The following RNF150 variants were observed in gnomAD, a reference collection of about 807,000 sequenced individuals.
RNF150 encodes the protein ring finger protein 150.
In RNF150, 24 loss-of-function variants were observed where a neutral mutation model predicts 39.3. The ratio of observed to expected loss-of-function variants is 0.61; its 90% CI spans 0.44 to 0.86. The LOEUF is 0.86. Ranked by LOEUF, RNF150 falls within the 40% of genes least tolerant of loss-of-function variation. The pLI, the probability that RNF150 is intolerant of heterozygous loss-of-function variation, is 0.00. For missense variants in RNF150, 502 were observed against 587.8 expected (o/e 0.85, Z 1.51); for synonymous variants, 255 against 227.3 (o/e 1.12, Z -1.10).
chr4:140,879,389 T>C (rs1302081515), intron 6 of RNF150, among the ~76,000 whole-genome samples: 1 of 150,350 alleles, frequency 6.7e-6, no homozygotes, highest in African/African-American at 2.5e-5. Flanking sequence ...CATTTATTTA[T>C]GTCTTAACTT....
At chr4:140,953,404 G>A (rs114010714) in intron 2 of RNF150, among the ~76,000 whole-genome samples, 2,570 of 152,192 alleles carry the variant, frequency 0.017, 32 homozygotes, top group Non-Finnish European at 0.025. Flanking sequence ...TTTTGGCAGC[G>A]GTGGATAAAG....
At chr4:141,118,504 G>A (rs1726499706) in intron 1 of RNF150, among the ~76,000 whole-genome samples, 1 of 152,066 alleles carries the variant, frequency 6.6e-6, no homozygotes. Context: ...ATGGAATTTG[G>A]GACTGAGGCT....
chr4:141,014,729 G>T (rs762313479), intron 1 of RNF150, among the ~76,000 whole-genome samples: 3 of 152,060 alleles, frequency 2.0e-5, no homozygotes, highest in Non-Finnish European at 2.9e-5. Context: ...TATATCTTCT[G>T]GATATTAGCC....
In RNF150 at chr4:140,919,736, C is replaced by G. The variant is rs181704976; in HGVS notation, c.987+6241G>C. ...AAGAGCCCGCATTGCCAAGCCAATC[C>G]TAAGCCAAAAGAACAAAGCTGGAGA... On this transcript the variant is annotated intron_variant, in intron 5 of 6. Coordinates refer to ENST00000515673, the MANE Select transcript of RNF150 (RefSeq NM_020724.2). 6.0e-4 allele frequency among the ~76,000 whole-genome samples: 89 copies of G among 148,376 alleles called. 1 individual carries two copies. The highest frequency in any genetic ancestry group is 1.1e-3 in the Non-Finnish European group (70 of 66,450).
chr4:141,094,153 TCAA>T (rs1192320998), intron 1 of RNF150, among the ~76,000 whole-genome samples: 1 of 152,124 alleles, frequency 6.6e-6, no homozygotes, highest in Non-Finnish European at 1.5e-5. Flanking sequence ...ATGAAAATAT[TCAA>T]CATTTACTCA....
At chr4:141,195,519 C>G (rs564768083) in intron 1 of RNF150, among the ~76,000 whole-genome samples, 1 of 152,178 alleles carries the variant, frequency 6.6e-6, no homozygotes, top group Non-Finnish European at 1.5e-5. Flanking sequence ...TCTCTGGCTT[C>G]AGTGACTGGT....
At chr4:141,017,564 G>A (rs1735327229) in intron 1 of RNF150, among the ~76,000 whole-genome samples, 1 of 152,062 alleles carries the variant, frequency 6.6e-6, no homozygotes, top group Non-Finnish European at 1.5e-5. Context: ...CATTTTACAG[G>A]CTTTGACAAT....
intron 1 of RNF150, among the ~76,000 whole-genome samples, chr4:141,116,241 C>G (rs1739546297): frequency 6.6e-6 from 1 of 152,086 alleles, no homozygotes; most frequent in Non-Finnish European, 1.5e-5. Flanking sequence ...GCAATCTATC[C>G]ATATGACAAA....
intron 1 of RNF150, among the ~76,000 whole-genome samples, chr4:141,111,750 C>T (rs191236733): frequency 3.0e-4 from 45 of 152,208 alleles, no homozygotes; most frequent in African/African-American, 1.0e-3. Flanking sequence ...TTATATGAAT[C>T]GGGCATCATC....
At chr4:141,026,150 A>T (rs1003931653) in intron 1 of RNF150, among the ~76,000 whole-genome samples, 1 of 152,200 alleles carries the variant, frequency 6.6e-6, no homozygotes, top group Non-Finnish European at 1.5e-5. Context: ...CAAGTCATCC[A>T]GTCTATGGTG....
intron 1 of RNF150, among the ~76,000 whole-genome samples, chr4:141,006,504 A>G (rs1734879419): frequency 6.6e-6 from 1 of 152,208 alleles, no homozygotes; most frequent in Admixed American, 6.5e-5. Flanking sequence ...GACAAATGTC[A>G]AGTTTCTTTA....
chr4:140,882,523 G>T (rs1175798298), intron 6 of RNF150, among the ~76,000 whole-genome samples: 3 of 151,774 alleles, frequency 2.0e-5, no homozygotes, highest in Admixed American at 2.0e-4. Flanking sequence ...TTGAAAATGG[G>T]GTATTGAAAT....
chr4:141,066,269 T>G (rs1261372909), intron 1 of RNF150, among the ~76,000 whole-genome samples: 1 of 152,160 alleles, frequency 6.6e-6, no homozygotes, highest in Non-Finnish European at 1.5e-5. Context: ...CCTCAGTAAT[T>G]TTCACACTAT....
chr4:141,071,792 T>C (rs571994010), intron 1 of RNF150, among the ~76,000 whole-genome samples: 1 of 152,298 alleles, frequency 6.6e-6, no homozygotes, highest in African/African-American at 2.4e-5. Flanking sequence ...TCCTTCAGAA[T>C]AAAGGTATTC....
chr4:140,980,709 T>C (rs556899952), intron 1 of RNF150, among the ~76,000 whole-genome samples: 4 of 152,276 alleles, frequency 2.6e-5, no homozygotes, highest in East Asian at 3.9e-4. Flanking sequence ...CCTGCTGCCA[T>C]GTGAAGAACG....
intron 1 of RNF150, among the ~76,000 whole-genome samples, chr4:141,055,473 A>G (rs1736932353): frequency 6.6e-6 from 1 of 152,168 alleles, no homozygotes; most frequent in Non-Finnish European, 1.5e-5. Flanking sequence ...AAGACCTCTA[A>G]GAAATAATAA....
In RNF150 at chr4:140,865,843, C is replaced by T. The variant is rs1469401022; in HGVS notation, c.*2418G>A. 2.6e-5 allele frequency: 4 copies of T among 152,672 alleles called. No homozygotes were observed. In the East Asian group the frequency reaches 7.7e-4, roughly 29 times the overall value. 9.5% of individuals were successfully genotyped at this position (152,672 alleles called of 1,614,324 possible). On this transcript the variant is annotated 3_prime_UTR_variant, in exon 7 of 7. Coordinates refer to ENST00000515673, the MANE Select transcript of RNF150 (RefSeq NM_020724.2). The stretch of plus-strand genomic sequence containing the variant: ...CTAAACAATCCAAAGCGCATTCTCT[C>T]TCTGGGAATGGAATATAATTTATAT...
intron 1 of RNF150, among the ~76,000 whole-genome samples, chr4:141,009,052 T>A (rs73858465): frequency 0.076 from 11,553 of 152,252 alleles, 496 homozygotes; most frequent in Middle Eastern, 0.16. Flanking sequence ...CTATACAGTA[T>A]CTACATGCCC....
At chr4:140,967,344 C>T (rs1733284662) in intron 2 of RNF150, among the ~76,000 whole-genome samples, 1 of 152,080 alleles carries the variant, frequency 6.6e-6, no homozygotes, top group Non-Finnish European at 1.5e-5. Context: ...ACACTATTAG[C>T]ACTTCCTTTT....
Sources: gnomAD v4.1 joint callset for allele counts (sites outside exome capture counted in the v4.1 genomes callset) on GRCh38, gnomAD v4.1.1 for gene constraint, MANE v1.5 for transcripts, NCBI Gene and HGNC (gene_info 2026-07-23, HGNC 2026-07-21) for gene names.